Variants in FAM53A observed in about 807,000 individuals in gnomAD.
The protein encoded by FAM53A is family with sequence similarity 53 member A.
Under a neutral mutation model 26.6 loss-of-function variants are expected in FAM53A, and 28 were observed. The ratio of observed to expected loss-of-function variants is 1.05; its 90% CI spans 0.78 to 1.45. The LOEUF (loss-of-function observed/expected upper bound fraction) is 1.45, where lower values mean the gene tolerates loss of function less well. Ranked by LOEUF, FAM53A falls within the 40% of genes most tolerant of loss-of-function variation. The pLI, the probability that FAM53A is intolerant of heterozygous loss-of-function variation, is 0.00. For missense variants in FAM53A, 650 were observed against 575.8 expected (o/e 1.13, Z -1.32); for synonymous variants, 290 against 253.1 (o/e 1.15, Z -1.38).
chr4:1,578,142 C>G, the FAM53A span, among the ~76,000 whole-genome samples: 1 of 152,112 alleles, frequency 6.6e-6, no homozygotes, highest in African/African-American at 2.4e-5. Context: ...CCCCCAGGCC[C>G]CCCCCAAGCC....
chr4:1,597,371 G>A, the FAM53A span, among the ~76,000 whole-genome samples: 3 of 151,784 alleles, frequency 2.0e-5, no homozygotes, highest in South Asian at 4.2e-4. Context: ...GGACTGCCCC[G>A]TGCCCCCACG....
chr4:1,651,209 C>G (rs546935347), intron 4 of FAM53A, among the ~76,000 whole-genome samples: 151 of 132,256 alleles, frequency 1.1e-3, no homozygotes, highest in African/African-American at 4.2e-3. Context: ...TGGGACAGAG[C>G]GAGACTCCAT....
At position 1,640,232 on chromosome 4, in the gene FAM53A, C is replaced by T. The variant is rs1711549246; in HGVS notation, c.*1061G>A. The T allele has an allele frequency of 1.1e-5, 2 of 177,948 alleles. No homozygotes were observed. Among genetic ancestry groups the T allele is most frequent in the Non-Finnish European group, 2.3e-5 (2 of 86,930 alleles). The allele number at this position is 177,948 out of a possible 1,614,324, so 11.0% of individuals were successfully genotyped here. The stretch of plus-strand genomic sequence containing the variant: ...TCTGCCCCAAAGGCCATCACTGCCA[C>T]CGGTGGAAAACCAGGCGGCCACAAG... On this transcript the variant is annotated 3_prime_UTR_variant, in exon 5 of 5. Transcript: ENST00000308132.
rs918444950 is a variant in FAM53A at position 1,644,425 on chromosome 4, GCAGCTGTA to G, written c.883-2826_883-2819del. The G allele has an allele frequency of 8.7e-6, 13 of 1,488,932 alleles. No homozygotes were observed. In the Admixed American group the frequency reaches 1.0e-4, roughly 12 times the overall value. 92.2% of individuals were successfully genotyped at this position (1,488,932 alleles called of 1,614,324 possible). ...GAAAAAACTTCTGCCCACAGACACGGCAGCTGTACAGCTCAGCGCCCAACAGCGCTAGC... is the reference window on the plus strand; with the variant it reads ...GAAAAAACTTCTGCCCACAGACACGGCAGCTCAGCGCCCAACAGCGCTAGC... On this transcript the variant is annotated intron_variant, in intron 4 of 4. Transcript: ENST00000308132.
chr4:1,625,312 C>A (rs1715239574), intron 1 of FAM53A, among the ~76,000 whole-genome samples: 1 of 41,766 alleles, frequency 2.4e-5, no homozygotes, highest in South Asian at 9.8e-4. Context: ...CCCCACGTCC[C>A]GGCCCACGTG....
rs111968374 is a variant in FAM53A, at chr4:1,654,078, TGAG to T, written c.882+897_882+899del. On this transcript the variant is annotated intron_variant, in intron 4 of 4. Transcript: ENST00000308132. ...GGGGGCTGCCAAGGCCACAGGTCAT[TGAG>T]GAGACAGGCTGACACTGATCCCGCC... Among the ~76,000 whole-genome samples, 17 of 152,146 alleles carry T rather than the reference TGAG, an allele frequency of 1.1e-4. 2 individuals are homozygous for T. The highest frequency in any genetic ancestry group is 3.4e-4 in the African/African-American group (14 of 41,500).
chr4:1,592,898 GC>G, the FAM53A span, among the ~76,000 whole-genome samples: 1 of 152,124 alleles, frequency 6.6e-6, no homozygotes, highest in Non-Finnish European at 1.5e-5. Flanking sequence ...CGTCTGCAGG[GC>G]ACATGGCCGA....
intron 1 of FAM53A, among the ~76,000 whole-genome samples, chr4:1,678,725 G>C (rs139146274): frequency 0.023 from 3,526 of 151,972 alleles, 62 homozygotes; most frequent in Non-Finnish European, 0.035. Flanking sequence ...GGGAGGCTGA[G>C]GCAGGAGAAT....
the FAM53A span, among the ~76,000 whole-genome samples, chr4:1,595,821 A>G: frequency 2.0e-5 from 3 of 152,184 alleles, no homozygotes; most frequent in Non-Finnish European, 4.4e-5. Flanking sequence ...TCTGTGGTCT[A>G]CTGGGGCCCT....
intron 1 of FAM53A, among the ~76,000 whole-genome samples, chr4:1,633,029 T>C (rs1264274683): frequency 7.5e-6 from 1 of 133,488 alleles, no homozygotes; most frequent in African/African-American, 3.9e-5. Context: ...TACACGCTCA[T>C]GCTCACACGC....
chr4:1,683,088 G>A (rs1449036053), intron 1 of FAM53A, among the ~76,000 whole-genome samples: 1 of 152,204 alleles, frequency 6.6e-6, no homozygotes, highest in Non-Finnish European at 1.5e-5. Context: ...TCAAGGAGGC[G>A]GGACAATGGC....
intron 1 of FAM53A, among the ~76,000 whole-genome samples, chr4:1,677,990 A>T (rs1715157267): frequency 6.6e-6 from 1 of 152,186 alleles, no homozygotes; most frequent in African/African-American, 2.4e-5. Context: ...AACAACCCAG[A>T]ATAGCCCACA....
chr4:1,621,249 G>A (rs1164599352), intron 1 of FAM53A, among the ~76,000 whole-genome samples: 2 of 151,740 alleles, frequency 1.3e-5, no homozygotes, highest in Non-Finnish European at 2.9e-5. Context: ...GACTACAGGC[G>A]CCCGCCACCT....
upstream of FAM53A, chr4:1,684,378 CCCG>C (rs1326417108): frequency 1.4e-5 from 2 of 147,898 alleles, no homozygotes; most frequent in South Asian, 1.8e-4. Flanking sequence ...CCGCCCGCGC[CCCG>C]CCGCCGCCGC....
At chr4:1,641,797 C>T (rs566271073) in intron 4 of FAM53A, among the ~76,000 whole-genome samples, 190 bp from the exon 5 acceptor site, 3 of 152,070 alleles carry the variant, frequency 2.0e-5, no homozygotes, top group East Asian at 3.9e-4. Flanking sequence ...TGCCCATGCC[C>T]GCCCCAGCCC....
the FAM53A span, among the ~76,000 whole-genome samples, chr4:1,596,048 T>G: frequency 6.6e-6 from 1 of 152,228 alleles, no homozygotes; most frequent in Admixed American, 6.5e-5. Flanking sequence ...TGCCTCTCCC[T>G]GCTGATGTGG....
upstream of FAM53A, among the ~76,000 whole-genome samples, chr4:1,684,736 G>A (rs886506294): frequency 1.3e-5 from 2 of 152,270 alleles, no homozygotes; most frequent in East Asian, 1.9e-4. Context: ...CGCCGCCGCC[G>A]CCTTCCCGCC....
At chr4:1,644,228 T>C in intron 4 of FAM53A, 9 of 1,535,982 alleles carry the variant, frequency 5.9e-6, no homozygotes, top group Non-Finnish European at 7.8e-6. Context: ...AACCACGGCG[T>C]TTTGTTTTCA....
intron 1 of FAM53A, among the ~76,000 whole-genome samples, chr4:1,680,335 A>C (rs1227116067): frequency 6.7e-5 from 10 of 150,302 alleles, no homozygotes; most frequent in East Asian, 3.9e-4. Context: ...AAAAAAAAAA[A>C]AAAAAAAAAA....
Sources: allele counts gnomAD v4.1 joint callset (sites outside exome capture counted in the v4.1 genomes callset), GRCh38; gene constraint gnomAD v4.1.1; transcripts MANE v1.5; gene names NCBI Gene and HGNC (gene_info 2026-07-23, HGNC 2026-07-21).